The following DYNC1I1 variants were observed in gnomAD, a reference collection of about 807,000 sequenced individuals.
The protein encoded by DYNC1I1 is dynein cytoplasmic 1 intermediate chain 1.
Under a neutral mutation model 86.6 loss-of-function variants are expected in DYNC1I1, and 43 were observed. That is an observed-to-expected ratio of 0.50 (90% CI 0.39 to 0.64). The LOEUF (loss-of-function observed/expected upper bound fraction) is 0.64, where lower values mean the gene tolerates loss of function less well. DYNC1I1 is among the 30% of genes least tolerant of loss of function. The pLI is 0.00. For synonymous variants in DYNC1I1, 262 were observed against 283.7 expected (o/e 0.92, Z 0.77); for missense variants, 604 against 788.8 (o/e 0.77, Z 2.81).
intron 14 of DYNC1I1, among the ~76,000 whole-genome samples, chr7:96,041,812 GAAGCTAA>G (rs572174929): frequency 1.3e-5 from 2 of 151,948 alleles, no homozygotes; most frequent in South Asian, 4.2e-4. Flanking sequence ...AGCAAGACAG[GAAGCTAA>G]AAGAAAAAAA....
At chr7:95,844,354 A>G (rs1789370156) in intron 5 of DYNC1I1, among the ~76,000 whole-genome samples, 1 of 152,246 alleles carries the variant, frequency 6.6e-6, no homozygotes, top group South Asian at 2.1e-4. Context: ...CTGTTCCTTC[A>G]CAGAAGAAAG....
At chr7:95,952,811 T>G (rs959628201) in intron 6 of DYNC1I1, among the ~76,000 whole-genome samples, 31 of 152,144 alleles carry the variant, frequency 2.0e-4, no homozygotes, top group Admixed American at 8.5e-4. Flanking sequence ...TGTCCTTTTA[T>G]GCATTGTGTT....
intron 6 of DYNC1I1, among the ~76,000 whole-genome samples, chr7:95,976,890 C>T (rs1457767361): frequency 6.6e-6 from 1 of 152,110 alleles, no homozygotes; most frequent in Non-Finnish European, 1.5e-5. Context: ...GCAGGGGTAG[C>T]CAACTCAGTC....
chr7:95,979,657 A>G (rs958077138), intron 7 of DYNC1I1, among the ~76,000 whole-genome samples: 14 of 152,224 alleles, frequency 9.2e-5, no homozygotes, highest in African/African-American at 1.2e-4. Flanking sequence ...TTGTTGGAGA[A>G]CTATCATTAA....
chr7:96,056,374 G>A (rs1425358623), intron 14 of DYNC1I1, among the ~76,000 whole-genome samples: 2 of 152,098 alleles, frequency 1.3e-5, no homozygotes, highest in Admixed American at 6.6e-5. Flanking sequence ...AAATTAAAGT[G>A]GTCATGCTTT....
At chr7:95,886,092 TCTTCA>T (rs1790585519) in intron 6 of DYNC1I1, among the ~76,000 whole-genome samples, 1 of 152,146 alleles carries the variant, frequency 6.6e-6, no homozygotes, top group African/African-American at 2.4e-5. Context: ...TCCTCTACAG[TCTTCA>T]CTTCTATGCT....
At chr7:95,966,211 T>A (rs1042042668) in intron 6 of DYNC1I1, among the ~76,000 whole-genome samples, 1 of 152,220 alleles carries the variant, frequency 6.6e-6, no homozygotes, top group Admixed American at 6.5e-5. Context: ...AGGTCTGGTT[T>A]TCCCAGGCAC....
chr7:96,062,893 T>C (rs554174106), intron 14 of DYNC1I1, among the ~76,000 whole-genome samples: 70 of 152,222 alleles, frequency 4.6e-4, no homozygotes, highest in African/African-American at 1.6e-3. Flanking sequence ...ACTGACTGGA[T>C]TGAACTGAAT....
At position 96,032,755 on chromosome 7, in the gene DYNC1I1, G is replaced by A. The variant is rs777230119; in HGVS notation, c.1205G>A (p.Ser402Asn). The A allele has an allele frequency of 1.2e-6, 2 of 1,613,290 alleles. No homozygotes were observed. Among genetic ancestry groups the A allele is most frequent in the Admixed American group, 3.3e-5 (2 of 59,956 alleles). ...VSTDGKMCSW[S>N]LDMLSTPQES... The stretch of plus-strand genomic sequence containing the variant: ...ACTGATGGCAAAATGTGTTCCTGGA[G>A]CCTGGACATGCTCTCAACTCCACAG... Residue 402 changes from serine (S) to asparagine (N), a missense_variant, in exon 12 of 17, where the codon AGC (serine) becomes AAC (asparagine). Transcript: ENST00000447467.
intron 16 of DYNC1I1, among the ~76,000 whole-genome samples, chr7:96,083,687 G>A (rs1447809274): frequency 6.6e-6 from 1 of 152,168 alleles, no homozygotes; most frequent in African/African-American, 2.4e-5. Flanking sequence ...GTGCATGACT[G>A]ACTGCAGGAA....
intron 6 of DYNC1I1, among the ~76,000 whole-genome samples, chr7:95,940,697 C>T (rs965819105): frequency 9.9e-5 from 15 of 152,174 alleles, no homozygotes; most frequent in South Asian, 6.2e-4. Flanking sequence ...TTAATACATT[C>T]GTCTAAATCT....
At chr7:96,076,308 A>G in intron 15 of DYNC1I1, 111 bp downstream of exon 15, 6 of 1,450,124 alleles carry the variant, frequency 4.1e-6, no homozygotes, top group Non-Finnish European at 4.6e-6. Context: ...AGACCTTCCA[A>G]CTGCAGCAGG....
intron 6 of DYNC1I1, among the ~76,000 whole-genome samples, chr7:95,961,398 T>G (rs1026423258): frequency 4.6e-5 from 7 of 152,038 alleles, no homozygotes; most frequent in Admixed American, 3.3e-4. Context: ...AAGAAGAAAA[T>G]AATAATTTCC....
chr7:96,045,067 T>G (rs1318025416), intron 14 of DYNC1I1, among the ~76,000 whole-genome samples: 1 of 152,144 alleles, frequency 6.6e-6, no homozygotes, highest in African/African-American at 2.4e-5. Flanking sequence ...CAAGAAAGCT[T>G]CTGATGTTAT....
intron 6 of DYNC1I1, among the ~76,000 whole-genome samples, chr7:95,921,524 T>A (rs1791609223): frequency 6.7e-6 from 1 of 148,676 alleles, no homozygotes; most frequent in Non-Finnish European, 1.5e-5. Context: ...CTTTTCTGCC[T>A]ACAGAAAGAA....
Position 95,813,265 on chromosome 7 carries a change from C to T in DYNC1I1, c.242C>T (p.Pro81Leu). ...TATTTAGTCCCAACCCCTATGTCTC[C>T]CTCCTCGAAATCAGTGAGCACTCCC... ...EPPLVPTPMSPSSKSVSTPSE... is the reference protein window; with the variant it reads ...EPPLVPTPMSLSSKSVSTPSE... The change falls in exon 4 of 17, where the codon CCC (proline) becomes CTC (leucine). Residue 81 changes from proline to leucine, a missense_variant. Transcript: ENST00000447467. 6.2e-7 allele frequency: 1 copy of T among 1,612,770 alleles called. No individual in the cohort carries two copies. The highest frequency in any genetic ancestry group is 8.5e-7 in the Non-Finnish European group (1 of 1,179,476).
chr7:95,885,337 T>TTTTG (rs200070391), intron 6 of DYNC1I1, among the ~76,000 whole-genome samples: 3,778 of 152,030 alleles, frequency 0.025, 132 homozygotes, highest in African/African-American at 0.078. Context: ...CTGGCCAATT[T>TTTTG]TTTGTTTGTT....
chr7:95,798,483 C>T (rs547479759), intron 1 of DYNC1I1, among the ~76,000 whole-genome samples: 3 of 152,016 alleles, frequency 2.0e-5, no homozygotes, highest in African/African-American at 4.8e-5. Context: ...ATTTCTTACA[C>T]GTATCTGTGG....
At chr7:95,776,664 A>T (rs1364904700) in intron 1 of DYNC1I1, among the ~76,000 whole-genome samples, 1 of 152,212 alleles carries the variant, frequency 6.6e-6, no homozygotes, top group East Asian at 1.9e-4. Flanking sequence ...GCAGCCAAAA[A>T]TAAAATGTTC....
Sources: allele counts gnomAD v4.1 joint callset (sites outside exome capture counted in the v4.1 genomes callset), GRCh38; gene constraint gnomAD v4.1.1; transcripts MANE v1.5; gene names NCBI Gene and HGNC (gene_info 2026-07-23, HGNC 2026-07-21).